DERA: variants seen among roughly 807,000 people sequenced by gnomAD.
The protein encoded by DERA is 2-deoxy-D-ribose 5-phosphate aldolase.
Under a neutral mutation model 41.1 loss-of-function variants are expected in DERA, and 15 were observed. The observed-to-expected ratio is 0.37, with a 90% CI of 0.24 to 0.56. DERA has a LOEUF of 0.56. Ranked by LOEUF, DERA falls within the 20% of genes least tolerant of loss-of-function variation. The pLI, the probability that DERA is intolerant of heterozygous loss-of-function variation, is 0.81. For synonymous variants in DERA, 139 were observed against 137.4 expected (o/e 1.01, Z -0.08); for missense variants, 396 against 403.4 (o/e 0.98, Z 0.16).
rs2136128731 is a variant in DERA, at chr12:15,927,943, AG to A, written c.31+16530del. Among the ~76,000 whole-genome samples the A allele has an allele frequency of 1.3e-5, 2 of 152,314 alleles. 1 individual carries two copies. The highest frequency in any genetic ancestry group is 4.1e-4 in the South Asian group (2 of 4,830). On this transcript the variant is annotated intron_variant, in intron 1 of 8. Transcript: ENST00000428559. ...AAGAAAAAGTAGCAGACGAATTAGA[AG>A]TTAATTTATATTTCTCTTGCTAACT...
chr12:15,967,231 C>T lies in DERA; in HGVS notation c.508+4284C>T, dbSNP rs1412089887. ...AAAATTAGCCTGGTGTTGTGGTATG[C>T]GCCTGTAGTCCCAGCTACTCAAGGT... On this transcript the variant is annotated intron_variant, in intron 5 of 8. Coordinates refer to ENST00000428559, the MANE Select transcript of DERA (RefSeq NM_015954.4). This position sits in a 1 kb window ranked among gnomAD's most constrained non-coding sequence, Gnocchi z 4.9. Among the ~76,000 whole-genome samples, 6 of 151,208 alleles carry T rather than the reference C, an allele frequency of 4.0e-5. No individual in the cohort carries two copies. Among genetic ancestry groups the T allele is most frequent in the African/African-American group, 9.7e-5 (4 of 41,134 alleles).
chr12:15,955,000 A>C lies in DERA; in HGVS notation c.32-1936A>C, dbSNP rs927795212. Among the ~76,000 whole-genome samples, 4 of 151,918 alleles carry C rather than the reference A, an allele frequency of 2.6e-5. No individual in the cohort carries two copies. Among genetic ancestry groups the C allele is most frequent in the Non-Finnish European group, 4.4e-5 (3 of 67,970 alleles). ...AGCATTATCAATCATCTGAGGAGAA[A>C]AAAAAAAAGCCTCTTAGGGCTGGGT... is the stretch of plus-strand genomic sequence containing the variant. On this transcript the variant is annotated intron_variant, in intron 1 of 8. Coordinates refer to ENST00000428559, the MANE Select transcript of DERA (RefSeq NM_015954.4). The surrounding 1 kb of genome is among the most constrained non-coding windows in gnomAD (Gnocchi z 4.0).
chr12:16,028,731 C>A (rs1228339080), intron 6 of DERA, among the ~76,000 whole-genome samples: 1 of 152,172 alleles, frequency 6.6e-6, no homozygotes, highest in African/African-American at 2.4e-5. Context: ...TATGGTCTTA[C>A]CAAACCTATA....
intron 1 of DERA, among the ~76,000 whole-genome samples, chr12:15,949,430 T>C (rs1171121403): frequency 1.3e-5 from 2 of 150,708 alleles, no homozygotes; most frequent in Admixed American, 6.7e-5. Context: ...CACTGCCACC[T>C]TGTAGTTTGA....
intron 1 of DERA, among the ~76,000 whole-genome samples, chr12:15,955,906 A>G (rs193000065): frequency 6.6e-6 from 1 of 152,352 alleles, no homozygotes; most frequent in African/African-American, 2.4e-5. Flanking sequence ...GTACTCTTTT[A>G]AGGCTCTTTT....
rs373573085 is a variant in DERA, at chr12:15,919,258, CATT to C, written c.31+7845_31+7847del. On this transcript the variant is annotated intron_variant, in intron 1 of 8. Transcript: ENST00000428559. ...CTGCGGTGCCTGCTAAGTTAAAAAA[CATT>C]TTTTTTTTTTTAAAAAGCATCTAAG... Among the ~76,000 whole-genome samples, 259 of 151,728 alleles carry C rather than the reference CATT, an allele frequency of 1.7e-3. 6 individuals are homozygous for C. The East Asian group carries it at 0.047, about 28-fold the overall frequency.
rs754175669 is a variant in DERA, at chr12:15,941,711, C to T, written c.32-15225C>T. On this transcript the variant is annotated intron_variant, in intron 1 of 8. Coordinates refer to ENST00000428559, the MANE Select transcript of DERA (RefSeq NM_015954.4). This position sits in a 1 kb window ranked among gnomAD's most constrained non-coding sequence, Gnocchi z 4.5. ...TGCTGCAAAAGACATTATTTCGTTT[C>T]CTTTTATGGCTCAGTACTCCATGAT... is the stretch of plus-strand genomic sequence containing the variant. Among the ~76,000 whole-genome samples, 3 of 152,168 alleles carry T rather than the reference C, an allele frequency of 2.0e-5. No homozygotes were observed. Among genetic ancestry groups the T allele is most frequent in the Non-Finnish European group, 4.4e-5 (3 of 68,030 alleles).
At chr12:16,005,004 A>C (rs998466274) in intron 6 of DERA, among the ~76,000 whole-genome samples, 2 of 152,232 alleles carry the variant, frequency 1.3e-5, no homozygotes, top group African/African-American at 4.8e-5. Context: ...GTAGAGTTCA[A>C]ATTAAATTTT....
Position 15,922,773 on chromosome 12 carries a change from G to A in DERA, c.31+11359G>A, listed in dbSNP as rs1948253111. ...GTTGTAGACCTGATAGCATCTAGCTGTGGAACCTTGCGGGGTGGGGAGGGG... is the reference window on the plus strand; with the variant it reads ...GTTGTAGACCTGATAGCATCTAGCTATGGAACCTTGCGGGGTGGGGAGGGG... On this transcript the variant is annotated intron_variant, in intron 1 of 8. Transcript: ENST00000428559. This position sits in a 1 kb window ranked among gnomAD's most constrained non-coding sequence, Gnocchi z 4.9. 6.6e-6 allele frequency among the ~76,000 whole-genome samples: 1 copy of A among 152,164 alleles called. No homozygotes were observed. The highest frequency in any genetic ancestry group is 6.5e-5 in the Admixed American group (1 of 15,280).
intron 1 of DERA, among the ~76,000 whole-genome samples, chr12:15,920,012 G>T (rs1347821007): frequency 6.6e-6 from 1 of 151,578 alleles, no homozygotes; most frequent in African/African-American, 2.4e-5. Flanking sequence ...GTGTGAGAGA[G>T]AAAGAGAGAG....
chr12:15,929,843 G>A (rs982695858), intron 1 of DERA, among the ~76,000 whole-genome samples: 1 of 152,068 alleles, frequency 6.6e-6, no homozygotes, highest in Admixed American at 6.5e-5. Context: ...AGAGAATTTG[G>A]TTATAGAGTT....
rs969255454 is a variant in DERA at position 16,012,529 on chromosome 12, C to T, written c.638-20013C>T. 1.3e-5 allele frequency among the ~76,000 whole-genome samples: 2 copies of T among 152,160 alleles called. No individual in the cohort carries two copies. The highest frequency in any genetic ancestry group is 2.9e-5 in the Non-Finnish European group (2 of 68,026). ...GGTTGAGTTACTTACAGATCTTTTG[C>T]ATTGCTGAGTGAAATATTCAAATTT... On this transcript the variant is annotated intron_variant, in intron 6 of 8. Coordinates refer to ENST00000428559, the MANE Select transcript of DERA (RefSeq NM_015954.4). This position sits in a 1 kb window ranked among gnomAD's most constrained non-coding sequence, Gnocchi z 4.1.
chr12:16,018,956 G>A (rs905958324), intron 6 of DERA, among the ~76,000 whole-genome samples: 1 of 152,094 alleles, frequency 6.6e-6, no homozygotes, highest in Admixed American at 6.5e-5. Flanking sequence ...TATAGGGATA[G>A]CTATTGTAAT....
In DERA at chr12:15,959,923, A is replaced by G; in HGVS notation, c.372A>G (p.Ser124=). ...KAAGCNIPVA[S]VAAGFPAGQT... ...CAGGCTGTAATATCCCTGTGGCATC[A>G]GGTAAAATGTGTTGTGGCTTTTGTT... The change falls in exon 4 of 9, where the codon TCA becomes TCG. Residue 124 remains serine, a splice_region_variant and synonymous_variant. Transcript: ENST00000428559. The surrounding 1 kb of genome is among the most constrained non-coding windows in gnomAD (Gnocchi z 4.5). The G allele has an allele frequency of 6.5e-7, 1 of 1,539,406 alleles. No homozygotes were observed. The highest frequency in any genetic ancestry group is 8.8e-7 in the Non-Finnish European group (1 of 1,137,444).
Position 16,004,554 on chromosome 12 carries a change from G to T in DERA, c.637+22118G>T, listed in dbSNP as rs1416200637. ...ATCCCAGTACTTTCTGACAGAGGAA[G>T]AAAGAAAAGGACTAACCACCTTTCT... is the stretch of plus-strand genomic sequence containing the variant. On this transcript the variant is annotated intron_variant, in intron 6 of 8. Transcript: ENST00000428559. This position sits in a 1 kb window ranked among gnomAD's most constrained non-coding sequence, Gnocchi z 4.2. Among the ~76,000 whole-genome samples, 1 of 152,092 alleles carries T rather than the reference G, an allele frequency of 6.6e-6. No homozygotes were observed. The highest frequency in any genetic ancestry group is 1.5e-5 in the Non-Finnish European group (1 of 68,002).
At chr12:16,015,582 C>A (rs58178253) in intron 6 of DERA, among the ~76,000 whole-genome samples, 12,124 of 152,184 alleles carry the variant, frequency 0.08, 1,444 homozygotes, top group African/African-American at 0.25. Context: ...CAGTCTTGGG[C>A]AGTTCTTTAT....
rs759562150 is a variant in DERA at position 15,959,857 on chromosome 12, TCCCG to T, written c.311_314del (p.Ala104GlyfsTer6). On this transcript the variant is annotated frameshift_variant, in exon 4 of 9. Coordinates refer to ENST00000428559, the MANE Select transcript of DERA (RefSeq NM_015954.4). LOFTEE classifies it high-confidence loss of function. This position sits in a 1 kb window ranked among gnomAD's most constrained non-coding sequence, Gnocchi z 4.5. ...TTACTACAGCCGCCGTTTGTGTTTA[TCCCG>T]CCCGGGTGTGTGATGCTGTAAAAGC... is the stretch of plus-strand genomic sequence containing the variant. 4 of 1,549,158 alleles carry T rather than the reference TCCCG, an allele frequency of 2.6e-6. No homozygotes were observed. The highest frequency in any genetic ancestry group is 2.6e-6 in the Non-Finnish European group (3 of 1,144,394).
rs763923470 is a variant in DERA, at chr12:16,013,716, G to A, written c.638-18826G>A. ...AAGCAACTTTGGAACTGGTTAACAG[G>A]AAGAGGTTGGAACAGTTTGGAGGGC... On this transcript the variant is annotated intron_variant, in intron 6 of 8. Transcript: ENST00000428559. The surrounding 1 kb of genome is among the most constrained non-coding windows in gnomAD (Gnocchi z 5.8). Among the ~76,000 whole-genome samples the A allele has an allele frequency of 6.6e-6, 1 of 152,244 alleles. No homozygotes were observed. The highest frequency in any genetic ancestry group is 1.5e-5 in the Non-Finnish European group (1 of 68,052).
intron 6 of DERA, among the ~76,000 whole-genome samples, chr12:16,006,989 G>A (rs1948914961): frequency 6.6e-6 from 1 of 152,092 alleles, no homozygotes; most frequent in South Asian, 2.1e-4. Flanking sequence ...TTAAATATTT[G>A]TCACGTTATG....
Sources: gnomAD v4.1 joint callset for allele counts (sites outside exome capture counted in the v4.1 genomes callset) on GRCh38, gnomAD v4.1.1 for gene constraint, Gnocchi (gnomAD v3.1) non-coding constraint, MANE v1.5 for transcripts, NCBI Gene and HGNC (gene_info 2026-07-23, HGNC 2026-07-21) for gene names.